The following SLC25A21 variants were observed in gnomAD, a reference collection of about 807,000 sequenced individuals.
The protein encoded by SLC25A21 is solute carrier family 25 member 21, also known as mitochondrial 2-oxodicarboxylate carrier.
Under a neutral mutation model 43.8 loss-of-function variants are expected in SLC25A21, and 47 were observed. That is an observed-to-expected ratio of 1.07 (90% CI 0.85 to 1.37). SLC25A21 has a LOEUF of 1.37. SLC25A21 is among the 40% of genes most tolerant of loss of function. The pLI, the probability that SLC25A21 is intolerant of heterozygous loss-of-function variation, is 0.00. For synonymous variants in SLC25A21, 131 were observed against 121.3 expected, an observed-to-expected ratio of 1.08 and a Z score of -0.52; for missense variants, 352 against 350.2, an observed-to-expected ratio of 1.00 and a Z score of -0.04.
chr14:37,162,299 T>C (rs1963957924), intron 1 of SLC25A21, among the ~76,000 whole-genome samples: 2 of 152,226 alleles, frequency 1.3e-5, no homozygotes, highest in Non-Finnish European at 2.9e-5. Flanking sequence ...TTGGCTTTTG[T>C]TGCCATTGCT....
In SLC25A21 at chr14:37,067,435, A is replaced by C. The variant is rs1019260810; in HGVS notation, c.70+104846T>G. 2.0e-5 allele frequency among the ~76,000 whole-genome samples: 3 copies of C among 152,310 alleles called. No individual in the cohort carries two copies. The South Asian group carries it at 6.2e-4, about 32-fold the overall frequency. ...ATGTACTGAGAGACAATAACTGCCAACCTTGAATTCTGTACCCAGAAAATG... is the reference window on the plus strand; with the variant it reads ...ATGTACTGAGAGACAATAACTGCCACCCTTGAATTCTGTACCCAGAAAATG... On this transcript the variant is annotated intron_variant, in intron 1 of 9. Transcript: ENST00000331299.
chr14:36,689,815 T>C (rs1019950935), intron 7 of SLC25A21, among the ~76,000 whole-genome samples: 2 of 152,244 alleles, frequency 1.3e-5, no homozygotes, highest in African/African-American at 2.4e-5. Context: ...GTTATTCTGA[T>C]GGATGGTAAA....
intron 7 of SLC25A21, among the ~76,000 whole-genome samples, chr14:36,688,877 G>C (rs1882667667): frequency 3.9e-5 from 6 of 152,214 alleles, no homozygotes; most frequent in Admixed American, 3.9e-4. Context: ...TTAAGTATAA[G>C]AAGGGATTTT....
chr14:37,072,329 G>A (rs1440076481), intron 1 of SLC25A21, among the ~76,000 whole-genome samples: 1 of 152,150 alleles, frequency 6.6e-6, no homozygotes, highest in Non-Finnish European at 1.5e-5. Context: ...CAGAGCCTCA[G>A]GCTGTGCCAA....
chr14:36,840,035 G>C (rs1054642867), intron 2 of SLC25A21, among the ~76,000 whole-genome samples: 2 of 152,184 alleles, frequency 1.3e-5, no homozygotes, highest in Non-Finnish European at 2.9e-5. Flanking sequence ...ATGGATGGCA[G>C]CTTGAGGGGA....
At chr14:36,807,495 T>C (rs978080307) in intron 3 of SLC25A21, among the ~76,000 whole-genome samples, 1 of 152,178 alleles carries the variant, frequency 6.6e-6, no homozygotes, top group Non-Finnish European at 1.5e-5. Flanking sequence ...AGCTCTTCCA[T>C]TGTTTCTTCA....
intron 7 of SLC25A21, among the ~76,000 whole-genome samples, chr14:36,708,941 T>C (rs1441639195): frequency 6.6e-6 from 1 of 151,974 alleles, no homozygotes; most frequent in Non-Finnish European, 1.5e-5. Flanking sequence ...TGATTAATTG[T>C]AGAATAAAGT....
intron 1 of SLC25A21, among the ~76,000 whole-genome samples, chr14:36,940,041 C>G (rs1398080965): frequency 2.0e-5 from 3 of 152,158 alleles, no homozygotes; most frequent in Non-Finnish European, 4.4e-5. Context: ...TACAAGCCTC[C>G]TTTCTCATGT....
chr14:36,702,746 T>C (rs763402), intron 7 of SLC25A21, among the ~76,000 whole-genome samples: 28,208 of 152,054 alleles, frequency 0.19, 3,824 homozygotes, highest in East Asian at 0.59. Flanking sequence ...GTGCCCAACA[T>C]ACAGTAGATG....
intron 1 of SLC25A21, among the ~76,000 whole-genome samples, chr14:37,171,676 A>G (rs1316704323): frequency 5.9e-5 from 9 of 152,108 alleles, no homozygotes; most frequent in Admixed American, 3.9e-4. Context: ...ATTTTTTTCT[A>G]AAGGTTTATT....
chr14:36,933,989 G>A (rs1019856239), intron 1 of SLC25A21, among the ~76,000 whole-genome samples: 1 of 152,134 alleles, frequency 6.6e-6, no homozygotes, highest in Non-Finnish European at 1.5e-5. Flanking sequence ...AAAGTTGAAT[G>A]CAAATCTCTA....
intron 1 of SLC25A21, among the ~76,000 whole-genome samples, chr14:37,054,478 G>A (rs1263651724): frequency 6.6e-6 from 1 of 152,152 alleles, no homozygotes; most frequent in East Asian, 1.9e-4. Flanking sequence ...ACAAATTTTT[G>A]TATCTGGAAA....
chr14:37,128,538 CTGTG>C (rs367948974), intron 1 of SLC25A21, among the ~76,000 whole-genome samples: 6,567 of 122,674 alleles, frequency 0.054, 215 homozygotes, highest in African/African-American at 0.098. Context: ...CTCTCTCTCT[CTGTG>C]TGTGTGTGTG....
At chr14:36,690,312 G>A (rs913321988) in intron 7 of SLC25A21, among the ~76,000 whole-genome samples, 2 of 152,244 alleles carry the variant, frequency 1.3e-5, no homozygotes, top group Non-Finnish European at 1.5e-5. Context: ...ACAATGTCAT[G>A]TGCAAAAAGT....
At chr14:36,789,978 A>C (rs1333206841) in intron 3 of SLC25A21, among the ~76,000 whole-genome samples, 1 of 131,794 alleles carries the variant, frequency 7.6e-6, no homozygotes, top group African/African-American at 2.9e-5. Flanking sequence ...ATATATTAAA[A>C]ATATATATAT....
At chr14:36,892,993 G>C (rs1359043847) in intron 1 of SLC25A21, among the ~76,000 whole-genome samples, 5 of 152,114 alleles carry the variant, frequency 3.3e-5, no homozygotes, top group Admixed American at 3.3e-4. Context: ...ATCGTGAATA[G>C]TGCTGCAATA....
chr14:37,125,102 G>A (rs1288006714), intron 1 of SLC25A21, among the ~76,000 whole-genome samples: 1 of 152,206 alleles, frequency 6.6e-6, no homozygotes, highest in African/African-American at 2.4e-5. Context: ...CTAGGTAGAA[G>A]TCAGGCCACC....
intron 1 of SLC25A21, among the ~76,000 whole-genome samples, chr14:37,162,926 T>C (rs1157933427): frequency 6.6e-6 from 1 of 152,004 alleles, no homozygotes; most frequent in Non-Finnish European, 1.5e-5. Context: ...ATTAAGAAAA[T>C]GTGGCACATA....
chr14:36,877,113 G>A (rs1337028501), intron 1 of SLC25A21, among the ~76,000 whole-genome samples: 2 of 151,890 alleles, frequency 1.3e-5, no homozygotes, highest in African/African-American at 4.8e-5. Flanking sequence ...GCACTTCCAC[G>A]CACATAAGGA....
Sources: allele counts gnomAD v4.1 joint callset (sites outside exome capture counted in the v4.1 genomes callset), GRCh38; gene constraint gnomAD v4.1.1; transcripts MANE v1.5; gene names NCBI Gene and HGNC (gene_info 2026-07-23, HGNC 2026-07-21).